The following PRR16 variants were observed in gnomAD, a reference collection of about 807,000 sequenced individuals.
PRR16 encodes protein Largen.
A neutral mutation model predicts 18.2 loss-of-function variants in PRR16; 6 were observed. The observed-to-expected ratio is 0.33, with a 90% CI of 0.18 to 0.65. The LOEUF (loss-of-function observed/expected upper bound fraction) is 0.65. Ranked by LOEUF, PRR16 falls within the 30% of genes least tolerant of loss-of-function variation. The probability of loss-of-function intolerance (pLI) is 0.74; values close to 1 mark genes in which losing one functional copy is unlikely to be tolerated. For missense variants in PRR16, 412 were observed against 376.6 expected (o/e 1.09, Z -0.78); for synonymous variants, 151 against 147.8 (o/e 1.02, Z -0.16).
At chr5:120,591,379 A>G (rs1753630995) in intron 1 of PRR16, among the ~76,000 whole-genome samples, 2 of 152,070 alleles carry the variant, frequency 1.3e-5, no homozygotes, top group Admixed American at 6.6e-5. Flanking sequence ...ATATATATGT[A>G]TATTCCATAT....
intron 1 of PRR16, among the ~76,000 whole-genome samples, chr5:120,522,504 C>A (rs1751217985): frequency 6.6e-6 from 1 of 152,196 alleles, no homozygotes; most frequent in African/African-American, 2.4e-5. Context: ...CCTTCGCCCA[C>A]TTTTTGATGA....
chr5:120,765,326 T>C, the PRR16 span, among the ~76,000 whole-genome samples: 1 of 152,028 alleles, frequency 6.6e-6, no homozygotes, highest in African/African-American at 2.4e-5. Context: ...TTTTTGATGA[T>C]TCAAATGTCC....
Position 120,537,769 on chromosome 5 carries a change from G to GTTA in PRR16, c.159+73126_159+73127insATT, listed in dbSNP as rs1561536413. Among the ~76,000 whole-genome samples, 119 of 115,150 alleles carry GTTA rather than the reference G, an allele frequency of 1.0e-3. 8 individuals carry two copies. The highest frequency in any genetic ancestry group is 1.2e-3 in the Non-Finnish European group (71 of 57,168). The allele number at this position is 115,150 out of a possible 152,430, so 75.5% of individuals were successfully genotyped here. A position where few individuals can be genotyped will look rare whatever the true frequency, so the allele number is the denominator to read the frequency against. ...ACCCATATAACTTGGAATTTTTAATGTTTTTTTTTTTTTTTTTTTTTTTTT... is the reference window on the plus strand; with the variant it reads ...ACCCATATAACTTGGAATTTTTAATGTTATTTTTTTTTTTTTTTTTTTTTTTTT... On this transcript the variant is annotated intron_variant, in intron 1 of 1. Coordinates refer to ENST00000407149, the MANE Select transcript of PRR16 (RefSeq NM_001300783.2).
the PRR16 span, among the ~76,000 whole-genome samples, chr5:120,786,978 A>T: frequency 6.6e-6 from 1 of 152,148 alleles, no homozygotes; most frequent in South Asian, 2.1e-4. Context: ...AAAAGTGAGT[A>T]AAACTTATAT....
At chr5:120,618,416 A>G (rs1754582185) in intron 1 of PRR16, 1 of 920,946 alleles carries the variant, frequency 1.1e-6, no homozygotes, top group South Asian at 5.0e-5. Flanking sequence ...TTTTGAGATT[A>G]TAGTAATTAT....
the PRR16 span, among the ~76,000 whole-genome samples, chr5:120,787,740 A>C: frequency 2.2e-4 from 33 of 152,196 alleles, no homozygotes; most frequent in African/African-American, 3.4e-4. Flanking sequence ...TGTCTTCGCC[A>C]TGTCTTTACT....
At chr5:120,588,271 A>G (rs1171219511) in intron 1 of PRR16, among the ~76,000 whole-genome samples, 9 of 152,232 alleles carry the variant, frequency 5.9e-5, no homozygotes, top group Admixed American at 5.9e-4. Flanking sequence ...TTTTAAAGCT[A>G]TGGCGGGGTT....
chr5:120,535,529 G>A (rs1370944448), intron 1 of PRR16, among the ~76,000 whole-genome samples: 1 of 152,206 alleles, frequency 6.6e-6, no homozygotes, highest in Non-Finnish European at 1.5e-5. Flanking sequence ...CCTGGGTGCA[G>A]TGGTTTATGC....
the PRR16 span, among the ~76,000 whole-genome samples, chr5:120,742,615 T>C: frequency 2.8e-4 from 42 of 152,278 alleles, no homozygotes; most frequent in African/African-American, 9.1e-4. Context: ...CTATTGGCTT[T>C]CTTCAAAGAA....
At chr5:120,777,197 T>C in the PRR16 span, among the ~76,000 whole-genome samples, 1 of 152,066 alleles carries the variant, frequency 6.6e-6, no homozygotes, top group African/African-American at 2.4e-5. Context: ...TTAATAACTT[T>C]AAGGCAATGA....
In PRR16 at chr5:120,558,027, G is replaced by C. The variant is rs114699897; in HGVS notation, c.159+93382G>C. On this transcript the variant is annotated intron_variant, in intron 1 of 1. Transcript: ENST00000407149. ...TTAATTTTTTGTGGGTACATAGTAG[G>C]TGTGTATATTTATGGGGTACATTAG... 7.7e-3 allele frequency among the ~76,000 whole-genome samples: 1,166 copies of C among 151,840 alleles called. 7 individuals are homozygous for C. The highest frequency in any genetic ancestry group is 0.013 in the Non-Finnish European group (860 of 67,830).
chr5:120,775,270 A>G, the PRR16 span, among the ~76,000 whole-genome samples: 1 of 152,092 alleles, frequency 6.6e-6, no homozygotes, highest in Non-Finnish European at 1.5e-5. Flanking sequence ...TTAAGTAGGT[A>G]TTTTTCCATA....
At chr5:120,533,380 A>G (rs540531613) in intron 1 of PRR16, among the ~76,000 whole-genome samples, 7 of 152,350 alleles carry the variant, frequency 4.6e-5, no homozygotes, top group African/African-American at 1.7e-4. Flanking sequence ...GGAGATGGAC[A>G]TTAAACAATA....
At chr5:120,764,644 A>G in the PRR16 span, among the ~76,000 whole-genome samples, 2 of 151,822 alleles carry the variant, frequency 1.3e-5, no homozygotes, top group Admixed American at 1.3e-4. Context: ...CAAGGAAAAG[A>G]TTAAATTTTA....
At chr5:120,498,363 A>G (rs1336128170) in intron 1 of PRR16, among the ~76,000 whole-genome samples, 1 of 149,482 alleles carries the variant, frequency 6.7e-6, no homozygotes, top group African/African-American at 2.4e-5. Flanking sequence ...ATAAATGTAT[A>G]TATATATATA....
At chr5:120,556,241 T>TG (rs1396941591) in intron 1 of PRR16, among the ~76,000 whole-genome samples, 1 of 149,754 alleles carries the variant, frequency 6.7e-6, no homozygotes, top group Non-Finnish European at 1.5e-5. Context: ...TTGTTTTTTT[T>TG]TTTTTTTTTT....
At chr5:120,781,126 C>T in the PRR16 span, 1 of 151,840 alleles carries the variant, frequency 6.6e-6, no homozygotes, top group African/African-American at 2.4e-5. Context: ...AATTAATTGG[C>T]AAAATAATTG....
chr5:120,697,379 TATAAG>T, the PRR16 span, among the ~76,000 whole-genome samples: 1 of 152,154 alleles, frequency 6.6e-6, no homozygotes, highest in South Asian at 2.1e-4. Context: ...AAGATAAAAA[TATAAG>T]AGATAAATAC....
At chr5:120,683,781 G>A (rs2150155524) in intron 1 of PRR16, among the ~76,000 whole-genome samples, 1 of 152,222 alleles carries the variant, frequency 6.6e-6, no homozygotes, top group Non-Finnish European at 1.5e-5. Context: ...CCAAGAGCCA[G>A]CTGATAAACA....
Sources: allele counts gnomAD v4.1 joint callset (sites outside exome capture counted in the v4.1 genomes callset), GRCh38; gene constraint gnomAD v4.1.1; transcripts MANE v1.5; gene names NCBI Gene and HGNC (gene_info 2026-07-23, HGNC 2026-07-21).